The following MBNL2 variants were observed in gnomAD, a reference collection of about 807,000 sequenced individuals.
MBNL2 encodes the protein muscleblind-like protein 2.
In MBNL2, 17 loss-of-function variants were observed where a neutral mutation model predicts 41.9. The ratio of observed to expected loss-of-function variants is 0.41; its 90% CI spans 0.28 to 0.61. MBNL2 has a LOEUF of 0.61. Among genes scored for constraint, MBNL2 ranks in the 20% least tolerant of loss-of-function variants. The pLI is 0.35. For missense variants in MBNL2, 336 were observed against 505.6 expected (o/e 0.66, Z 3.22); for synonymous variants, 195 against 182.9 (o/e 1.07, Z -0.53).
intron 1 of MBNL2, among the ~76,000 whole-genome samples, chr13:97,274,941 A>G (rs1320959944): frequency 6.6e-6 from 1 of 152,222 alleles, no homozygotes; most frequent in Non-Finnish European, 1.5e-5. Context: ...GCACTTAGTC[A>G]TCAGTTAAAT....
intron 2 of MBNL2, among the ~76,000 whole-genome samples, chr13:97,329,860 C>A (rs1006925808): frequency 6.6e-6 from 1 of 151,992 alleles, no homozygotes; most frequent in Non-Finnish European, 1.5e-5. Context: ...TTGACCACCA[C>A]ACACTCCCTT....
At chr13:97,363,114 A>G (rs2063549657) in intron 7 of MBNL2, 1 of 152,098 alleles carries the variant, frequency 6.6e-6, no homozygotes, top group African/African-American at 2.4e-5. Flanking sequence ...AGGTGTAGAA[A>G]GTTTCTGTGA....
the MBNL2 span, chr13:97,172,537 T>C: frequency 1.3e-5 from 2 of 152,106 alleles, no homozygotes; most frequent in Admixed American, 6.6e-5. Flanking sequence ...CTGCAAATTT[T>C]CCACTGGACT....
At chr13:97,158,312 G>T in the MBNL2 span, among the ~76,000 whole-genome samples, 11 of 150,776 alleles carry the variant, frequency 7.3e-5, no homozygotes, top group Non-Finnish European at 1.5e-5. Flanking sequence ...CTTGCTAGCG[G>T]TCTATCAATT....
At chr13:97,161,120 A>C in the MBNL2 span, among the ~76,000 whole-genome samples, 1 of 152,166 alleles carries the variant, frequency 6.6e-6, no homozygotes, top group African/African-American at 2.4e-5. Context: ...ATTCCAGGTG[A>C]TTCATTTGCA....
the MBNL2 span, among the ~76,000 whole-genome samples, chr13:97,161,793 A>C: frequency 1.3e-5 from 2 of 152,208 alleles, no homozygotes; most frequent in Admixed American, 6.5e-5. Context: ...TGAGCTGTAC[A>C]GATTACCTAG....
intron 2 of MBNL2, among the ~76,000 whole-genome samples, chr13:97,284,926 T>C (rs957544073): frequency 1.3e-5 from 2 of 152,236 alleles, no homozygotes; most frequent in Admixed American, 6.5e-5. Context: ...GTTAGGTTTG[T>C]TTTTACTCAT....
intron 8 of MBNL2, among the ~76,000 whole-genome samples, chr13:97,387,322 G>A (rs116821891): frequency 0.013 from 1,974 of 152,234 alleles, 45 homozygotes; most frequent in African/African-American, 0.044. Context: ...AAGCAGACAC[G>A]TTTGCAACAT....
chr13:97,167,975 T>A, the MBNL2 span, among the ~76,000 whole-genome samples: 21,933 of 151,864 alleles, frequency 0.14, 2,130 homozygotes, highest in African/African-American at 0.27. Context: ...ATATATATAT[T>A]TTTTTTTGAG....
chr13:97,211,076 C>T, the MBNL2 span, among the ~76,000 whole-genome samples: 2 of 152,106 alleles, frequency 1.3e-5, no homozygotes, highest in South Asian at 2.1e-4. Context: ...TGAGAATCCT[C>T]ATTGAAATTT....
rs183278097 is a variant in MBNL2, at chr13:97,226,179, C to T, written c.-605+3648C>T. 1.1e-3 allele frequency among the ~76,000 whole-genome samples: 160 copies of T among 152,280 alleles called. 1 individual carries two copies. Among genetic ancestry groups the T allele is most frequent in the African/African-American group, 3.4e-3 (143 of 41,550 alleles). On this transcript the variant is annotated intron_variant, in intron 1 of 8. Transcript: ENST00000679496. ...CACAGTTGTTTATGGAGACCAGTCC[C>T]GGCCTCCTCTGCTGAGAGTAAAAAC...
At chr13:97,315,599 G>A (rs1415742038) in intron 2 of MBNL2, among the ~76,000 whole-genome samples, 2 of 152,238 alleles carry the variant, frequency 1.3e-5, no homozygotes, top group Non-Finnish European at 2.9e-5. Context: ...AGTGGTCAGA[G>A]AGTCATTCAT....
chr13:97,250,867 T>C (rs1179013289), intron 1 of MBNL2, among the ~76,000 whole-genome samples: 1 of 152,188 alleles, frequency 6.6e-6, no homozygotes, highest in Non-Finnish European at 1.5e-5. Context: ...GAGGGAGTTT[T>C]AGCCATGGTA....
the MBNL2 span, among the ~76,000 whole-genome samples, chr13:97,196,145 G>A: frequency 6.6e-6 from 1 of 152,114 alleles, no homozygotes; most frequent in African/African-American, 2.4e-5. Flanking sequence ...GGTATCCTCT[G>A]TGGGCAAGGT....
At chr13:97,302,761 G>T (rs182259517) in intron 2 of MBNL2, among the ~76,000 whole-genome samples, 18 of 152,302 alleles carry the variant, frequency 1.2e-4, no homozygotes, top group Admixed American at 7.2e-4. Context: ...CCCAGACTCT[G>T]TTGGCTCTGT....
Position 97,336,810 on chromosome 13 carries a change from C to T in MBNL2, c.339+2370C>T, listed in dbSNP as rs188121360. On this transcript the variant is annotated intron_variant, in intron 3 of 8. Coordinates refer to ENST00000679496, the MANE Select transcript of MBNL2 (RefSeq NM_001382683.1). ...AGCTGTTTACAGCAGTTACCGGAAA[C>T]TAATAGATGCAAAAACTGCATAAGA... is the stretch of plus-strand genomic sequence containing the variant. Among the ~76,000 whole-genome samples, 6 of 152,262 alleles carry T rather than the reference C, an allele frequency of 3.9e-5. No homozygotes were observed. The East Asian group carries it at 1.2e-3, about 29-fold the overall frequency.
At chr13:97,217,552 TAGA>T (rs1288962121), upstream of MBNL2, among the ~76,000 whole-genome samples, 3 of 152,148 alleles carry the variant, frequency 2.0e-5, no homozygotes, top group South Asian at 2.1e-4. Context: ...GTGAAAGGAA[TAGA>T]AGATTTTTCA....
At chr13:97,381,512 G>T (rs956227987) in intron 8 of MBNL2, among the ~76,000 whole-genome samples, 15 of 151,640 alleles carry the variant, frequency 9.9e-5, no homozygotes, top group Admixed American at 2.0e-4. Context: ...ACAAGATCTT[G>T]TTTCTGTGAT....
chr13:97,160,357 C>T, the MBNL2 span, among the ~76,000 whole-genome samples: 2 of 152,148 alleles, frequency 1.3e-5, no homozygotes. Context: ...AGTGCTTTTG[C>T]TGAAAGGAAT....
Sources: allele counts gnomAD v4.1 joint callset (sites outside exome capture counted in the v4.1 genomes callset), GRCh38; gene constraint gnomAD v4.1.1; transcripts MANE v1.5; gene names NCBI Gene and HGNC (gene_info 2026-07-23, HGNC 2026-07-21).